MARCHF3: variants seen among roughly 807,000 people sequenced by gnomAD.
MARCHF3 encodes membrane associated ring-CH-type finger 3.
Under a neutral mutation model 24.2 loss-of-function variants are expected in MARCHF3, and 13 were observed. The ratio of observed to expected loss-of-function variants is 0.54; its 90% confidence interval spans 0.35 to 0.85. MARCHF3 has a LOEUF of 0.85. Among genes scored for constraint, MARCHF3 ranks in the 40% least tolerant of loss-of-function variants. The pLI is 0.01. For missense variants in MARCHF3, 276 were observed against 325.0 expected, an observed-to-expected ratio of 0.85 and a Z score of 1.16; for synonymous variants, 144 against 137.3, an observed-to-expected ratio of 1.05 and a Z score of -0.34.
chr5:126,992,766 ATTTT>A (rs757479478), intron 1 of MARCHF3, among the ~76,000 whole-genome samples: 71 of 95,500 alleles, frequency 7.4e-4, no homozygotes, highest in African/African-American at 2.9e-3. Flanking sequence ...CATCCACGTG[ATTTT>A]TTTTTTTTTT....
chr5:126,991,211 T>C (rs986265922), intron 1 of MARCHF3, among the ~76,000 whole-genome samples: 6 of 152,330 alleles, frequency 3.9e-5, no homozygotes, highest in African/African-American at 1.2e-4. Flanking sequence ...TGGAATACTA[T>C]GCAGCCATAA....
intron 1 of MARCHF3, among the ~76,000 whole-genome samples, chr5:126,964,190 A>G (rs79070292): frequency 0.016 from 2,397 of 152,270 alleles, 66 homozygotes; most frequent in South Asian, 0.11. Context: ...CTTGGCCTGA[A>G]GGTGGAACTA....
At chr5:126,883,284 A>T (rs1454508524) in intron 3 of MARCHF3, among the ~76,000 whole-genome samples, 1 of 152,210 alleles carries the variant, frequency 6.6e-6, no homozygotes, top group Non-Finnish European at 1.5e-5. Context: ...GGATCCACTC[A>T]TATGGCTGCC....
In MARCHF3 at chr5:126,870,748, C is replaced by T. The variant is rs148294647; in HGVS notation, c.647G>A (p.Arg216Gln). The T allele has an allele frequency of 9.9e-5, 159 of 1,614,020 alleles. No individual in the cohort carries two copies. Among genetic ancestry groups the T allele is most frequent in the Non-Finnish European group, 1.2e-4 (143 of 1,180,042 alleles). Residue 216 changes from arginine (R) to glutamine (Q), a missense_variant, in exon 5 of 5, where the codon CGG (arginine) becomes CAG (glutamine). Coordinates refer to ENST00000308660, the MANE Select transcript of MARCHF3 (RefSeq NM_178450.5). ...YHCRLYNEWR[R>Q]TNQRVILLIP... is the part of the protein sequence containing the mutation. ...GAGGAGAATCACCCTCTGATTGGTC[C>T]GACGCCACTCGTTGTACAATCGACA...
intron 4 of MARCHF3, among the ~76,000 whole-genome samples, chr5:126,876,581 C>T (rs981378612): frequency 3.3e-5 from 5 of 152,126 alleles, no homozygotes; most frequent in Admixed American, 6.5e-5. Context: ...ACCCTCCTCC[C>T]ATCACAATGG....
chr5:126,883,825 C>G (rs943081474), intron 3 of MARCHF3, among the ~76,000 whole-genome samples: 3 of 152,192 alleles, frequency 2.0e-5, no homozygotes, highest in Admixed American at 6.5e-5. Context: ...GTACTAAAAC[C>G]AGATTACACT....
At chr5:126,972,867 A>G (rs1315937504) in intron 1 of MARCHF3, among the ~76,000 whole-genome samples, 1 of 152,106 alleles carries the variant, frequency 6.6e-6, no homozygotes, top group Non-Finnish European at 1.5e-5. Context: ...TCCCAAATAC[A>G]CTCCAGCAAT....
chr5:126,917,167 G>T (rs995673724), intron 2 of MARCHF3, among the ~76,000 whole-genome samples: 2 of 152,184 alleles, frequency 1.3e-5, no homozygotes, highest in Admixed American at 6.5e-5. Context: ...ACACTAGGGG[G>T]CAAATCCAAT....
intron 3 of MARCHF3, among the ~76,000 whole-genome samples, chr5:126,913,625 T>C (rs1049763466): frequency 1.3e-5 from 2 of 152,212 alleles, no homozygotes; most frequent in Non-Finnish European, 2.9e-5. Context: ...ATGGAGTGTA[T>C]TGGGGCAAGT....
intron 1 of MARCHF3, among the ~76,000 whole-genome samples, chr5:127,012,320 T>TA (rs1238335673): frequency 6.6e-6 from 1 of 152,198 alleles, no homozygotes; most frequent in African/African-American, 2.4e-5. Context: ...TATGAACCAT[T>TA]AAAACAAAGC....
intron 3 of MARCHF3, 51 bp downstream of exon 3, chr5:126,914,879 C>T: frequency 1.9e-6 from 3 of 1,583,062 alleles, no homozygotes; most frequent in Non-Finnish European, 2.6e-6. Flanking sequence ...TAAAAACAGA[C>T]ATCATTTGCT....
chr5:126,869,431 C>A lies in MARCHF3; in HGVS notation c.*1202G>T, dbSNP rs560723759. On this transcript the variant is annotated 3_prime_UTR_variant, in exon 5 of 5. Coordinates refer to ENST00000308660, the MANE Select transcript of MARCHF3 (RefSeq NM_178450.5). ...GCGGATCAGACCCTTTACACTGCGA[C>A]GGATAAAAGAGGGACACGAAACCCT... The A allele has an allele frequency of 6.6e-6, 1 of 152,196 alleles. No individual in the cohort carries two copies. Among genetic ancestry groups the A allele is most frequent in the Admixed American group, 6.6e-5 (1 of 15,266 alleles). The allele number at this position is 152,196 out of a possible 1,614,324, so 9.4% of individuals were successfully genotyped here.
intron 3 of MARCHF3, among the ~76,000 whole-genome samples, chr5:126,893,811 T>C (rs1380880100): frequency 1.1e-5 from 1 of 94,686 alleles, no homozygotes; most frequent in African/African-American, 4.5e-5. Context: ...TAGGTCTGCT[T>C]GGTGCAGAGC....
chr5:126,890,156 G>A (rs953967471), intron 3 of MARCHF3, among the ~76,000 whole-genome samples: 1 of 152,094 alleles, frequency 6.6e-6, no homozygotes, highest in Non-Finnish European at 1.5e-5. Context: ...TGAGCAGAGG[G>A]CAATGTTCTC....
intron 4 of MARCHF3, among the ~76,000 whole-genome samples, chr5:126,877,464 G>A (rs1753195312): frequency 6.6e-6 from 1 of 152,172 alleles, no homozygotes; most frequent in African/African-American, 2.4e-5. Flanking sequence ...GAGATCAAAT[G>A]TTGCATTTTG....
rs779972201 is a variant in MARCHF3, at chr5:126,918,216, C to T, written c.-45G>A. The T allele has an allele frequency of 3.2e-6, 5 of 1,575,380 alleles. No homozygotes were observed. The highest frequency in any genetic ancestry group is 4.3e-6 in the Non-Finnish European group (5 of 1,160,240). On this transcript the variant is annotated 5_prime_UTR_variant, in exon 2 of 5. Coordinates refer to ENST00000308660, the MANE Select transcript of MARCHF3 (RefSeq NM_178450.5). The stretch of plus-strand genomic sequence containing the variant: ...TCTGCTAATGGCTTCCACATTCATA[C>T]AGGATTTCCATCTAAGAGAGATCAG...
intron 1 of MARCHF3, among the ~76,000 whole-genome samples, chr5:126,933,378 G>A (rs181854230): frequency 4.0e-5 from 6 of 151,602 alleles, no homozygotes; most frequent in East Asian, 1.9e-4. Context: ...GATTTACAAC[G>A]ATAATCACTA....
intron 1 of MARCHF3, among the ~76,000 whole-genome samples, chr5:127,000,601 A>C (rs548740611): frequency 5.3e-5 from 8 of 152,320 alleles, no homozygotes; most frequent in African/African-American, 1.9e-4. Context: ...CCAGCTTTAC[A>C]TTACCAACAG....
intron 1 of MARCHF3, among the ~76,000 whole-genome samples, chr5:126,921,240 A>C (rs529132239): frequency 6.6e-6 from 1 of 152,268 alleles, no homozygotes; most frequent in South Asian, 2.1e-4. Flanking sequence ...TAATGGGCTA[A>C]GAGGGATTAC....
Sources: allele counts gnomAD v4.1 joint callset (sites outside exome capture counted in the v4.1 genomes callset), GRCh38; gene constraint gnomAD v4.1.1; transcripts MANE v1.5; gene names NCBI Gene and HGNC (gene_info 2026-07-23, HGNC 2026-07-21).